HEATR5A: variants seen among roughly 807,000 people sequenced by gnomAD.
The protein encoded by HEATR5A is HEAT repeat-containing protein 5A.
A neutral mutation model predicts 218.8 loss-of-function variants in HEATR5A; 178 were observed. That is an observed-to-expected ratio of 0.81 (90% CI 0.72 to 0.92). The LOEUF is 0.92. Ranked by LOEUF, HEATR5A falls within the 40% of genes least tolerant of loss-of-function variation. The probability of loss-of-function intolerance (pLI) is 0.00; values close to 1 mark genes in which losing one functional copy is unlikely to be tolerated. For synonymous variants in HEATR5A, 864 were observed against 871.6 expected, an observed-to-expected ratio of 0.99 and a Z score of 0.15; for missense variants, 2,420 against 2,418.9, an observed-to-expected ratio of 1.00 and a Z score of -0.01.
intron 11 of HEATR5A, 115 bp from the exon 12 acceptor site, chr14:31,375,083 T>C: frequency 1.2e-6 from 1 of 835,010 alleles, no homozygotes; most frequent in Non-Finnish European, 1.8e-6. Context: ...TTGCAACATT[T>C]TGTCCCCTTT....
At chr14:31,399,389 G>C (rs1260980968) in intron 3 of HEATR5A, among the ~76,000 whole-genome samples, 1 of 152,066 alleles carries the variant, frequency 6.6e-6, no homozygotes, top group South Asian at 2.1e-4. Flanking sequence ...ACAGAACTCA[G>C]CTACATATTA....
At chr14:31,297,590 A>C (rs1899230510) in intron 33 of HEATR5A, 1 of 152,240 alleles carries the variant, frequency 6.6e-6, no homozygotes, top group Admixed American at 6.5e-5. Context: ...GACTATACTC[A>C]AGAGGCACAG....
At chr14:31,356,498 G>A (rs538781981) in intron 16 of HEATR5A, among the ~76,000 whole-genome samples, 5 of 152,256 alleles carry the variant, frequency 3.3e-5, no homozygotes, top group African/African-American at 1.2e-4. Flanking sequence ...GCCTCCCAAA[G>A]TGCTTGGTTA....
intron 9 of HEATR5A, among the ~76,000 whole-genome samples, chr14:31,384,319 C>T (rs903391359): frequency 6.6e-6 from 1 of 151,842 alleles, no homozygotes; most frequent in Non-Finnish European, 1.5e-5. Context: ...TGATGCATGC[C>T]TGCTGTCCCA....
At chr14:31,397,384 A>G (rs2030695865) in intron 4 of HEATR5A, among the ~76,000 whole-genome samples, 1 of 151,854 alleles carries the variant, frequency 6.6e-6, no homozygotes, top group Non-Finnish European at 1.5e-5. Flanking sequence ...TGGGCCGGGC[A>G]TGGTGGCTCA....
At chr14:31,406,553 A>G (rs2031067797) in intron 1 of HEATR5A, among the ~76,000 whole-genome samples, 2 of 152,218 alleles carry the variant, frequency 1.3e-5, no homozygotes, top group Admixed American at 6.5e-5. Flanking sequence ...GACTTTCCCA[A>G]GGTCACACAG....
intron 18 of HEATR5A, among the ~76,000 whole-genome samples, chr14:31,348,825 C>A (rs1178701019): frequency 1.3e-5 from 2 of 152,156 alleles, no homozygotes; most frequent in African/African-American, 2.4e-5. Flanking sequence ...AATAACCTGA[C>A]TCCATCCTTC....
intron 10 of HEATR5A, among the ~76,000 whole-genome samples, chr14:31,381,649 G>A (rs1566775953): frequency 6.6e-6 from 1 of 152,006 alleles, no homozygotes; most frequent in Non-Finnish European, 1.5e-5. Context: ...GCCAGGCAAT[G>A]GAATTACGTG....
At chr14:31,316,065 T>G (rs1292996826) in intron 26 of HEATR5A, 116 bp from the exon 27 acceptor site, 1 of 742,582 alleles carries the variant, frequency 1.3e-6, no homozygotes, top group East Asian at 2.8e-5. Flanking sequence ...GGCAGATCGC[T>G]TGAGCCCAGG....
chr14:31,387,307 AG>A lies in HEATR5A; in HGVS notation c.1001del (p.Ser334PhefsTer4). On this transcript the variant is annotated frameshift_variant, in exon 8 of 36. Coordinates refer to ENST00000543095, the MANE Select transcript of HEATR5A (RefSeq NM_015473.4). LOFTEE classifies it high-confidence loss of function. ...WLEKNFAAFF[S>X]HILSLASPSH... ...ACGGTGACGCAAGGCTTAGGATATG[AG>A]AAAAAAAGGCAGCAAAATTTTTCTC... 1 of 1,614,018 alleles carries A rather than the reference AG, an allele frequency of 6.2e-7. No homozygotes were observed. The highest frequency in any genetic ancestry group is 8.5e-7 in the Non-Finnish European group (1 of 1,179,868).
intron 14 of HEATR5A, among the ~76,000 whole-genome samples, chr14:31,362,653 C>T (rs1901663299): frequency 7.4e-6 from 1 of 134,452 alleles, no homozygotes; most frequent in South Asian, 2.4e-4. Context: ...TGGTGGTGTA[C>T]ACCTGCAGTC....
In HEATR5A at chr14:31,309,109, G is replaced by A. The variant is rs766707760; in HGVS notation, c.4515C>T (p.Leu1505=). Residue 1505 remains leucine, a synonymous_variant, in exon 29 of 36, where the codon CTC becomes CTT. Coordinates refer to ENST00000543095, the MANE Select transcript of HEATR5A (RefSeq NM_015473.4). ...LHYYNSWALI[L]HATALWLTST... ...TTGTAAGCCACAATGCTGTAGCATG[G>A]AGGATAAGTGCCCAGGAGTTGTAAT... 1.9e-6 allele frequency: 3 copies of A among 1,613,872 alleles called. No homozygotes were observed. Among genetic ancestry groups the A allele is most frequent in the Non-Finnish European group, 2.5e-6 (3 of 1,179,888 alleles).
intron 9 of HEATR5A, among the ~76,000 whole-genome samples, chr14:31,385,718 G>A (rs530051206): frequency 6.6e-6 from 1 of 152,024 alleles, no homozygotes; most frequent in African/African-American, 2.4e-5. Flanking sequence ...TAAACTTCAT[G>A]GTAAGTGATT....
chr14:31,395,159 TTATATTAA>T lies in HEATR5A; in HGVS notation c.597+32_597+39del, dbSNP rs1232100195. ...CACAAAGAAGCTGATTTACTTTTCT[TTATATTAA>T]TTTTTAAAGTCTGCTTATTAGATCA... On this transcript the variant is annotated intron_variant, in intron 5 of 35. Transcript: ENST00000543095. 2.2e-6 allele frequency: 3 copies of T among 1,364,640 alleles called. No individual in the cohort carries two copies. The East Asian group carries it at 7.6e-5, about 35-fold the overall frequency. The allele number at this position is 1,364,640 out of a possible 1,614,324, so 84.5% of individuals were successfully genotyped here.
At chr14:31,319,410 C>T (rs1368630757) in intron 25 of HEATR5A, among the ~76,000 whole-genome samples, 2 of 152,194 alleles carry the variant, frequency 1.3e-5, no homozygotes, top group Admixed American at 1.3e-4. Flanking sequence ...ACCTCGGCCT[C>T]CCAAAGTGCT....
chr14:31,341,315 G>A (rs1336345493), intron 21 of HEATR5A, among the ~76,000 whole-genome samples: 2 of 151,544 alleles, frequency 1.3e-5, no homozygotes, highest in Non-Finnish European at 2.9e-5. Context: ...TTTTTTTGAT[G>A]CCTATTTTTT....
At position 31,337,460 on chromosome 14, in the gene HEATR5A, T is replaced by C. The variant is rs1221888814; in HGVS notation, c.3367+16A>G. 1 of 1,544,104 alleles carries C rather than the reference T, an allele frequency of 6.5e-7. No individual in the cohort carries two copies. The highest frequency in any genetic ancestry group is 2.0e-5 in the Admixed American group (1 of 50,190). On this transcript the variant is annotated intron_variant, in intron 22 of 35. Coordinates refer to ENST00000543095, the MANE Select transcript of HEATR5A (RefSeq NM_015473.4). ...TAATCATTTGAGCTGGACATAATCT[T>C]GATCAAGAGAATTACCTGGAGTCAA... is the stretch of plus-strand genomic sequence containing the variant.
At chr14:31,336,829 G>A (rs1313737893) in intron 22 of HEATR5A, among the ~76,000 whole-genome samples, 1 of 152,118 alleles carries the variant, frequency 6.6e-6, no homozygotes, top group African/African-American at 2.4e-5. Flanking sequence ...TGGCGTAATA[G>A]GATTATGTTC....
chr14:31,387,736 AT>A (rs2030289042), intron 7 of HEATR5A, among the ~76,000 whole-genome samples: 1 of 151,908 alleles, frequency 6.6e-6, no homozygotes, highest in Admixed American at 6.6e-5. Flanking sequence ...ATTTTTTTGT[AT>A]TTTTAGTAGA....
Sources: gnomAD v4.1 joint callset for allele counts (sites outside exome capture counted in the v4.1 genomes callset) on GRCh38, gnomAD v4.1.1 for gene constraint, MANE v1.5 for transcripts, NCBI Gene and HGNC (gene_info 2026-07-23, HGNC 2026-07-21) for gene names.